ETNK1: variants seen among roughly 807,000 people sequenced by gnomAD.
The protein encoded by ETNK1 is ethanolamine kinase 1, also known as putative protein product of Nbla10396.
ETNK1 carries 8 observed loss-of-function variants against 45.1 expected under a neutral mutation model. That is an observed-to-expected ratio of 0.18 (90% CI 0.10 to 0.32). The LOEUF (loss-of-function observed/expected upper bound fraction) is 0.32, where lower values mean the gene tolerates loss of function less well. Ranked by LOEUF, ETNK1 falls within the 10% of genes least tolerant of loss-of-function variation. The probability of loss-of-function intolerance (pLI) is 1.00; values close to 1 mark genes in which losing one functional copy is unlikely to be tolerated. For synonymous variants in ETNK1, 152 were observed against 151.9 expected (o/e 1.00, Z -0.01); for missense variants, 302 against 430.6 (o/e 0.70, Z 2.64).
chr12:22,674,986 G>A (rs2137571463), intron 6 of ETNK1, among the ~76,000 whole-genome samples: 1 of 152,260 alleles, frequency 6.6e-6, no homozygotes, highest in South Asian at 2.1e-4. Context: ...TAATTTAGAA[G>A]GCCAAATAAG....
In ETNK1 at chr12:22,684,984, GAGCAATGCTT is replaced by G. The variant is rs1352799615; in HGVS notation, c.*31_*40del. The G allele has an allele frequency of 4.7e-5, 69 of 1,462,294 alleles. No homozygotes were observed. The highest frequency in any genetic ancestry group is 6.1e-5 in the Non-Finnish European group (65 of 1,068,794). 90.6% of individuals were successfully genotyped at this position (1,462,294 alleles called of 1,614,324 possible). A position where few individuals can be genotyped will look rare whatever the true frequency, so the allele number is the denominator to read the frequency against. The stretch of plus-strand genomic sequence containing the variant: ...GAGATTTAATTATTCTCCAGTAGCT[GAGCAATGCTT>G]GTGAATCTTTTCTTAAGAAATCCCA... On this transcript the variant is annotated 3_prime_UTR_variant, in exon 8 of 8. Coordinates refer to ENST00000266517, the MANE Select transcript of ETNK1 (RefSeq NM_018638.5).
chr12:22,630,774 C>T (rs1421143228), intron 1 of ETNK1, among the ~76,000 whole-genome samples: 1 of 151,896 alleles, frequency 6.6e-6, no homozygotes, highest in Non-Finnish European at 1.5e-5. Flanking sequence ...CCATGCTCAG[C>T]TAATTTTTGT....
intron 6 of ETNK1, among the ~76,000 whole-genome samples, chr12:22,681,376 C>G (rs1194949221): frequency 6.6e-6 from 1 of 151,900 alleles, no homozygotes. Context: ...TTTTAAAATG[C>G]AGAATGACTC....
chr12:22,632,777 C>T (rs1391572190), intron 1 of ETNK1, among the ~76,000 whole-genome samples: 1 of 152,176 alleles, frequency 6.6e-6, no homozygotes, highest in Non-Finnish European at 1.5e-5. Flanking sequence ...GCTGGGATTA[C>T]AGGTGTGAGC....
intron 2 of ETNK1, among the ~76,000 whole-genome samples, chr12:22,657,112 GT>G (rs1464723974): frequency 6.6e-5 from 10 of 152,084 alleles, no homozygotes; most frequent in African/African-American, 2.4e-4. Flanking sequence ...AAGTACCACA[GT>G]TCATTTGGGC....
intron 1 of ETNK1, among the ~76,000 whole-genome samples, chr12:22,627,963 T>A (rs1218271643): frequency 1.3e-5 from 2 of 152,050 alleles, no homozygotes; most frequent in East Asian, 3.9e-4. Flanking sequence ...TCAGAATTTG[T>A]GGGTACATGG....
chr12:22,640,396 C>G (rs1159209901), intron 1 of ETNK1, among the ~76,000 whole-genome samples: 12 of 126,476 alleles, frequency 9.5e-5, no homozygotes, highest in Admixed American at 1.6e-4. Context: ...AATTGAAAGC[C>G]TTTTTTTTTT....
In ETNK1 at chr12:22,651,585, A is replaced by T. The variant is rs189449545; in HGVS notation, c.417-7429A>T. 3.3e-3 allele frequency among the ~76,000 whole-genome samples: 500 copies of T among 152,062 alleles called. 5 individuals are homozygous for T. Among genetic ancestry groups the T allele is most frequent in the African/African-American group, 0.011 (463 of 41,484 alleles). ...GTTGTCACCATCTTAACCATTTTTT[A>T]AAAAATACAGCTCAATAGTGTTATT... On this transcript the variant is annotated intron_variant, in intron 2 of 7. Coordinates refer to ENST00000266517, the MANE Select transcript of ETNK1 (RefSeq NM_018638.5).
At chr12:22,674,028 C>T (rs1432053250) in intron 6 of ETNK1, among the ~76,000 whole-genome samples, 1 of 152,164 alleles carries the variant, frequency 6.6e-6, no homozygotes, top group Non-Finnish European at 1.5e-5. Context: ...TTTTCCACAA[C>T]ACATTTTATG....
At position 22,661,115 on chromosome 12, in the gene ETNK1, A is replaced by T; in HGVS notation, c.610A>T (p.Met204Leu). 6.2e-7 allele frequency: 1 copy of T among 1,612,790 alleles called. No homozygotes were observed. Among genetic ancestry groups the T allele is most frequent in the East Asian group, 2.2e-5 (1 of 44,694 alleles). ...GATTCTCCAGGAAGAGATGACTTGGATGAAGGAGATTCTTTCCAACCTGGG... is the reference window on the plus strand; with the variant it reads ...GATTCTCCAGGAAGAGATGACTTGGTTGAAGGAGATTCTTTCCAACCTGGG... ...SQILQEEMTW[M>L]KEILSNLGSP... Residue 204 changes from methionine (M) to leucine (L), a missense_variant, in exon 4 of 8, where the codon ATG becomes TTG. Met to Leu is a conservative substitution (Grantham distance 15, BLOSUM62 2). Around this residue, in one of 3 missense-constraint regions of ETNK1, gnomAD observed 205 missense variants for 259.9 expected, o/e 0.79. Transcript: ENST00000266517.
rs376534266 is a variant in ETNK1 at position 22,662,462 on chromosome 12, A to G, written c.700+1257A>G. On this transcript the variant is annotated intron_variant, in intron 4 of 7. Coordinates refer to ENST00000266517, the MANE Select transcript of ETNK1 (RefSeq NM_018638.5). ...AGGCCTGGAATGCAGTGGTGTAATC[A>G]TGGCTCACTGCAGCCTTCAACTCTT... Among the ~76,000 whole-genome samples, 16 of 147,898 alleles carry G rather than the reference A, an allele frequency of 1.1e-4. 1 individual carries two copies. Among genetic ancestry groups the G allele is most frequent in the African/African-American group, 4.0e-4 (16 of 40,114 alleles).
At chr12:22,634,066 A>G (rs868162031) in intron 1 of ETNK1, among the ~76,000 whole-genome samples, 1 of 152,140 alleles carries the variant, frequency 6.6e-6, no homozygotes, top group East Asian at 1.9e-4. Flanking sequence ...ATTGTTAGGT[A>G]TGATATATGC....
chr12:22,687,505 C>T lies in ETNK1; in HGVS notation c.*2551C>T, dbSNP rs1417936215. ...ATGTTAGTCAATAGACCATAGTGGC[C>T]TGGATGCTTTAACAAGCCAAATTCC... On this transcript the variant is annotated 3_prime_UTR_variant, in exon 8 of 8. Transcript: ENST00000266517. 1.3e-5 allele frequency: 2 copies of T among 152,236 alleles called. No homozygotes were observed. Among genetic ancestry groups the T allele is most frequent in the African/African-American group, 4.8e-5 (2 of 41,392 alleles). The allele number at this position is 152,236 out of a possible 1,614,324, so 9.4% of individuals were successfully genotyped here.
chr12:22,640,477 C>A (rs1249642408), intron 1 of ETNK1, among the ~76,000 whole-genome samples: 1 of 149,456 alleles, frequency 6.7e-6, no homozygotes, highest in African/African-American at 2.5e-5. Flanking sequence ...ATTTAAGCTA[C>A]TTTTAGAGAC....
intron 2 of ETNK1, among the ~76,000 whole-genome samples, chr12:22,648,248 C>T (rs777597015): frequency 5.3e-5 from 8 of 151,812 alleles, no homozygotes; most frequent in South Asian, 2.1e-4. Context: ...TTTACATTAG[C>T]GTACACTCTT....
intron 1 of ETNK1, among the ~76,000 whole-genome samples, chr12:22,636,494 T>G (rs1458676961): frequency 1.3e-5 from 2 of 152,180 alleles, no homozygotes; most frequent in African/African-American, 4.8e-5. Context: ...AATCCCTTAG[T>G]CATTATAAAA....
intron 2 of ETNK1, among the ~76,000 whole-genome samples, chr12:22,651,496 G>A (rs576340668): frequency 6.6e-6 from 1 of 152,094 alleles, no homozygotes; most frequent in South Asian, 2.1e-4. Flanking sequence ...TCTATTAAAA[G>A]GGAGTCCTTA....
intron 1 of ETNK1, among the ~76,000 whole-genome samples, chr12:22,639,629 A>T (rs1325975972): frequency 6.6e-6 from 1 of 152,002 alleles, no homozygotes; most frequent in Non-Finnish European, 1.5e-5. Flanking sequence ...GTGAGCCGAG[A>T]TCGTGCCACT....
intron 2 of ETNK1, among the ~76,000 whole-genome samples, chr12:22,658,534 T>C (rs529918908): frequency 6.6e-5 from 10 of 152,290 alleles, no homozygotes; most frequent in African/African-American, 2.4e-4. Context: ...TGTTAAAGCA[T>C]GATAAGGCTG....
Sources: allele counts gnomAD v4.1 joint callset (sites outside exome capture counted in the v4.1 genomes callset), GRCh38; gene constraint gnomAD v4.1.1; regional missense constraint gnomAD v4.1.1; transcripts MANE v1.5; gene names NCBI Gene and HGNC (gene_info 2026-07-23, HGNC 2026-07-21).